Variants in TG observed in about 807,000 individuals in gnomAD.
The protein encoded by TG is thyroid hormones.
Under a neutral mutation model 324.7 loss-of-function variants are expected in TG, and 270 were observed. The ratio of observed to expected loss-of-function variants is 0.83; its 90% CI spans 0.75 to 0.92. The LOEUF (loss-of-function observed/expected upper bound fraction) is 0.92, where lower values mean the gene tolerates loss of function less well. Among genes scored for constraint, TG ranks in the 40% least tolerant of loss-of-function variants. TG has a pLI of 0.00. For synonymous variants in TG, 1,401 were observed against 1,327.0 expected (o/e 1.06, Z -1.21); for missense variants, 3,591 against 3,456.4 (o/e 1.04, Z -0.98).
chr8:133,123,925 C>A (rs902341429), intron 45 of TG, among the ~76,000 whole-genome samples: 1 of 152,254 alleles, frequency 6.6e-6, no homozygotes, highest in Non-Finnish European at 1.5e-5. Context: ...ACAAGGCACA[C>A]AGACAGCCTC....
chr8:132,930,032 A>AT (rs1163213831), intron 23 of TG, among the ~76,000 whole-genome samples: 16 of 152,050 alleles, frequency 1.1e-4, no homozygotes, highest in South Asian at 6.2e-4. Context: ...CCCAGTGTCT[A>AT]TTTTTGCCAT....
chr8:133,133,792 C>A, intron 47 of TG, 132 bp downstream of exon 47: 1 of 1,035,006 alleles, frequency 9.7e-7, no homozygotes, highest in Non-Finnish European at 1.5e-6. Context: ...CAGCCCCTTC[C>A]TGTGAGTTGT....
chr8:133,051,373 G>C, intron 41 of TG, among the ~76,000 whole-genome samples: 1 of 152,148 alleles, frequency 6.6e-6, no homozygotes, highest in East Asian at 1.9e-4. Flanking sequence ...CAATGCCTCG[G>C]GTGTCCACTC....
At chr8:132,987,409 T>C (rs376894243) in intron 35 of TG, among the ~76,000 whole-genome samples, 36 of 147,114 alleles carry the variant, frequency 2.4e-4, no homozygotes, top group South Asian at 2.2e-3. Context: ...ACTGTGTATA[T>C]GTAAAATATT....
At chr8:133,048,655 A>G (rs1839899189) in intron 41 of TG, 1 of 156,814 alleles carries the variant, frequency 6.4e-6, no homozygotes, top group Non-Finnish European at 1.4e-5. Flanking sequence ...TCACATCTTC[A>G]GCATGAAGGC....
At chr8:132,900,163 A>G (rs2132278260) in intron 14 of TG, 74 bp from the exon 15 acceptor site, 1 of 1,310,646 alleles carries the variant, frequency 7.6e-7, no homozygotes. Flanking sequence ...GACACTTTTG[A>G]CATCTGCCAG....
At chr8:133,053,319 G>A (rs375957754) in intron 41 of TG, among the ~76,000 whole-genome samples, 19 of 152,316 alleles carry the variant, frequency 1.2e-4, no homozygotes, top group African/African-American at 3.8e-4. Context: ...TGTGAGTTCC[G>A]GGAGGGCAGA....
chr8:133,049,286 T>A (rs184599564), intron 41 of TG: 33 of 400,294 alleles, frequency 8.2e-5, no homozygotes, highest in Middle Eastern at 5.8e-4. Flanking sequence ...CACATAAGCA[T>A]TTTTGGCAGT....
intron 12 of TG, 53 bp from the exon 13 acceptor site, chr8:132,898,116 A>C: frequency 6.6e-7 from 1 of 1,513,654 alleles, no homozygotes; most frequent in Non-Finnish European, 9.0e-7. Context: ...GGGACACTCC[A>C]GGGTAAGTCC....
intron 35 of TG, among the ~76,000 whole-genome samples, chr8:132,984,940 A>G (rs1831337612): frequency 6.6e-6 from 1 of 151,874 alleles, no homozygotes; most frequent in Non-Finnish European, 1.5e-5. Context: ...ATCTCAAAAA[A>G]AAAAAAAAAG....
intron 41 of TG, among the ~76,000 whole-genome samples, chr8:133,042,989 T>C (rs537233424): frequency 6.6e-6 from 1 of 152,126 alleles, no homozygotes; most frequent in African/African-American, 2.4e-5. Flanking sequence ...CCACCATGCC[T>C]GGCCCATCTG....
chr8:133,071,888 C>T (rs1844109950), intron 41 of TG, among the ~76,000 whole-genome samples: 1 of 152,148 alleles, frequency 6.6e-6, no homozygotes, highest in Non-Finnish European at 1.5e-5. Context: ...TTATATTCCT[C>T]AATGAAAAGC....
Position 132,933,716 on chromosome 8 carries a change from G to A in TG, c.4932+40G>A, listed in dbSNP as rs550002264. On this transcript the variant is annotated intron_variant, in intron 24 of 47. Coordinates refer to ENST00000220616, the MANE Select transcript of TG (RefSeq NM_003235.5). Reference sequence around the variant, plus strand: ...CCACGTGTGGTTCTGCTCCTCATCCGCTGTGGATCAGATGTGCTCTGAGGA... The same window carrying A: ...CCACGTGTGGTTCTGCTCCTCATCCACTGTGGATCAGATGTGCTCTGAGGA... 7.1e-5 allele frequency: 112 copies of A among 1,579,628 alleles called. No individual in the cohort carries two copies. The South Asian group carries it at 1.1e-3, about 15-fold the overall frequency.
intron 32 of TG, among the ~76,000 whole-genome samples, chr8:132,969,847 G>C (rs1323017129): frequency 2.0e-5 from 3 of 150,074 alleles, no homozygotes; most frequent in Non-Finnish European, 4.4e-5. Flanking sequence ...TCAGGAGGTG[G>C]AGGTTGCAGT....
At chr8:132,957,258 A>G (rs901866618) in intron 27 of TG, among the ~76,000 whole-genome samples, 1 of 152,150 alleles carries the variant, frequency 6.6e-6, no homozygotes, top group Admixed American at 6.5e-5. Flanking sequence ...CATGTGCTGA[A>G]TTTAGTTGAA....
At chr8:133,020,899 G>C (rs948409308) in intron 39 of TG, among the ~76,000 whole-genome samples, 1 of 152,200 alleles carries the variant, frequency 6.6e-6, no homozygotes, top group Non-Finnish European at 1.5e-5. Context: ...GGGCCCCTTT[G>C]TAGAAACATC....
rs777924349 is a variant in TG at position 132,888,175 on chromosome 8, G to A, written c.2368G>A (p.Ala790Thr). Residue 790 changes from alanine (A) to threonine (T), a missense_variant, in exon 10 of 48, where the codon GCT becomes ACT. Ala to Thr is a moderately conservative substitution (Grantham distance 58). Coordinates refer to ENST00000220616, the MANE Select transcript of TG (RefSeq NM_003235.5). ...QVFELYQRWEAQNKGQDLTPA... is the reference protein window; with the variant it reads ...QVFELYQRWETQNKGQDLTPA... Reference sequence around the variant, plus strand: ...CTTCGAGTTGTACCAACGATGGGAGGCTCAGAACAAGGGCCAGGATCTGAC... The same window carrying A: ...CTTCGAGTTGTACCAACGATGGGAGACTCAGAACAAGGGCCAGGATCTGAC... 8 of 1,614,022 alleles carry A rather than the reference G, an allele frequency of 5.0e-6. No homozygotes were observed. The East Asian group carries it at 1.6e-4, about 31-fold the overall frequency.
chr8:133,065,544 G>A (rs55814750), intron 41 of TG, among the ~76,000 whole-genome samples: 38,996 of 152,048 alleles, frequency 0.26, 5,123 homozygotes, highest in South Asian at 0.3. Flanking sequence ...GGTGGATCAC[G>A]TCAGGTCAGG....
intron 43 of TG, chr8:133,102,661 A>AGAAATTCCCCATG: frequency 3.5e-6 from 4 of 1,155,132 alleles, no homozygotes; most frequent in Non-Finnish European, 5.1e-6. Flanking sequence ...TGTCATGGGG[A>AGAAATTCCCCATG]ATTTCTCCCC....
Sources: gnomAD v4.1 joint callset for allele counts (sites outside exome capture counted in the v4.1 genomes callset) on GRCh38, gnomAD v4.1.1 for gene constraint, MANE v1.5 for transcripts, NCBI Gene and HGNC (gene_info 2026-07-23, HGNC 2026-07-21) for gene names.